RBM12B: variants seen among roughly 807,000 people sequenced by gnomAD.
RBM12B encodes RNA-binding protein 12B.
Under a neutral mutation model 34.3 loss-of-function variants are expected in RBM12B, and 10 were observed. That is an observed-to-expected ratio of 0.29 (90% confidence interval 0.18 to 0.49). The LOEUF (loss-of-function observed/expected upper bound fraction) is 0.49. Among genes scored for constraint, RBM12B ranks in the 20% least tolerant of loss-of-function variants. The pLI is 0.99. For synonymous variants in RBM12B, 477 were observed against 437.1 expected (o/e 1.09, Z -1.14); for missense variants, 1,139 against 1,262.7 (o/e 0.90, Z 1.48).
rs750983489 is a variant in RBM12B at position 93,734,526 on chromosome 8, G to GCCTCCAGTCCTCCTCAAGGGGCCT, written c.1861_1884dup (p.Trp627_Asp634dup). On this transcript the variant is annotated inframe_insertion, in exon 4 of 4. Transcript: ENST00000520560. ...CGCCTGAAATCCTCCTCCAGTGGCCGCCTCCAGTCCTCCTCAAGGGGCCTC... is the reference window on the plus strand; with the variant it reads ...CGCCTGAAATCCTCCTCCAGTGGCCGCCTCCAGTCCTCCTCAAGGGGCCTCCTCCAGTCCTCCTCAAGGGGCCTC... The GCCTCCAGTCCTCCTCAAGGGGCCT allele has an allele frequency of 1.2e-6, 2 of 1,613,374 alleles. No homozygotes were observed. Among genetic ancestry groups the GCCTCCAGTCCTCCTCAAGGGGCCT allele is most frequent in the South Asian group, 1.1e-5 (1 of 91,042 alleles).
intron 2 of RBM12B, chr8:93,740,241 A>G: frequency 2.2e-6 from 1 of 452,254 alleles, no homozygotes; most frequent in South Asian, 1.6e-5. Context: ...CTGTAAATGA[A>G]GACGAATCCA....
rs1586303257 is a variant in RBM12B, at chr8:93,728,431, T to G, written c.*4974A>C. The G allele has an allele frequency of 5.3e-6, 3 of 561,004 alleles. No individual in the cohort carries two copies. Among genetic ancestry groups the G allele is most frequent in the Non-Finnish European group, 9.2e-6 (3 of 326,570 alleles). 34.8% of individuals were successfully genotyped at this position (561,004 alleles called of 1,614,324 possible). Reference sequence around the variant, plus strand: ...AAACAGAAAAATAATTAAAGGAAACTTATGCTGACCAAAAATGAAGGCTTT... The same window carrying G: ...AAACAGAAAAATAATTAAAGGAAACGTATGCTGACCAAAAATGAAGGCTTT... On this transcript the variant is annotated 3_prime_UTR_variant, in exon 4 of 4. Coordinates refer to ENST00000520560, the MANE Select transcript of RBM12B (RefSeq NM_001377960.1).
intron 3 of RBM12B, 138 bp downstream of exon 3, chr8:93,737,169 T>A (rs1812046765): frequency 1.3e-5 from 2 of 152,190 alleles, no homozygotes; most frequent in Non-Finnish European, 2.9e-5. Flanking sequence ...ACTGTGCCAT[T>A]GCACTCCAGC....
At chr8:93,739,660 AG>A (rs2130480505) in intron 2 of RBM12B, among the ~76,000 whole-genome samples, 1 of 152,378 alleles carries the variant, frequency 6.6e-6, no homozygotes, top group South Asian at 2.1e-4. Flanking sequence ...ACCCTCAAGT[AG>A]TCTGCAATTA....
rs1812052386 is a variant in RBM12B at position 93,737,325 on chromosome 8, G to C, written c.-47C>G. 6.6e-6 allele frequency: 1 copy of C among 152,086 alleles called. No homozygotes were observed. The highest frequency in any genetic ancestry group is 1.5e-5 in the Non-Finnish European group (1 of 68,018). The allele number at this position is 152,086 out of a possible 1,614,324, so 9.4% of individuals were successfully genotyped here. A position where few individuals can be genotyped will look rare whatever the true frequency, so the allele number is the denominator to read the frequency against. ...ATCTTACCTTTTTTAAAATTTCTTG[G>C]AGACCTGTTAACTCTGTAAAAGCAA... is the stretch of plus-strand genomic sequence containing the variant. On this transcript the variant is annotated 5_prime_UTR_variant, in exon 3 of 4. Coordinates refer to ENST00000520560, the MANE Select transcript of RBM12B (RefSeq NM_001377960.1).
Position 93,729,520 on chromosome 8 carries a change from T to C in RBM12B, c.*3885A>G, listed in dbSNP as rs1356852595. 6.6e-6 allele frequency: 1 copy of C among 152,102 alleles called. No individual in the cohort carries two copies. Among genetic ancestry groups the C allele is most frequent in the Non-Finnish European group, 1.5e-5 (1 of 67,984 alleles). The allele number at this position is 152,102 out of a possible 1,614,324, so 9.4% of individuals were successfully genotyped here. ...TTCTCTTGAGCATTATTTGCCTTGT[T>C]TGTAAAGTTAAAACTGCGTAAAACA... is the stretch of plus-strand genomic sequence containing the variant. On this transcript the variant is annotated 3_prime_UTR_variant, in exon 4 of 4. Transcript: ENST00000520560.
In RBM12B at chr8:93,735,443, C is replaced by T; in HGVS notation, c.968G>A (p.Arg323Lys). ...QIRFLYKDEN[R>K]TRYAFVMFKT... is the part of the protein sequence containing the mutation. Reference sequence around the variant, plus strand: ...GAACATCACAAAGGCATATCTTGTTCTATTTTCATCTTTATATAAAAACCT... The same window carrying T: ...GAACATCACAAAGGCATATCTTGTTTTATTTTCATCTTTATATAAAAACCT... The change falls in exon 4 of 4, where the codon AGA becomes AAA. Residue 323 changes from arginine to lysine, a missense_variant. Physicochemically the swap from Arg to Lys is conservative, Grantham distance 26. This residue lies in a region of RBM12B where 863 missense variants were observed against 869.5 expected (regional missense o/e 0.99). Transcript: ENST00000520560. 6.2e-7 allele frequency: 1 copy of T among 1,613,314 alleles called. No homozygotes were observed. Among genetic ancestry groups the T allele is most frequent in the Non-Finnish European group, 8.5e-7 (1 of 1,179,710 alleles).
In RBM12B at chr8:93,735,330, T is replaced by C; in HGVS notation, c.1081A>G (p.Lys361Glu). ...CGTGCAATGAACTTCAGCATTTGTT[T>C]TCTAGAAATTGGATCAATATGAACT... is the stretch of plus-strand genomic sequence containing the variant. Reference protein sequence around the residue: ...RPVHIDPISRKQMLKFIARYE... With the variant: ...RPVHIDPISREQMLKFIARYE... Residue 361 changes from lysine (K) to glutamate (E), a missense_variant, in exon 4 of 4, where the codon AAA (lysine) becomes GAA (glutamate). Physicochemically the swap from Lys to Glu is moderately conservative, Grantham distance 56. Coordinates refer to ENST00000520560, the MANE Select transcript of RBM12B (RefSeq NM_001377960.1). 6.2e-7 allele frequency: 1 copy of C among 1,614,034 alleles called. No individual in the cohort carries two copies. Among genetic ancestry groups the C allele is most frequent in the Non-Finnish European group, 8.5e-7 (1 of 1,180,022 alleles).
rs1371586537 is a variant in RBM12B at position 93,728,493 on chromosome 8, C to T, written c.*4912G>A. The T allele has an allele frequency of 1.2e-5, 5 of 424,014 alleles. No individual in the cohort carries two copies. The highest frequency in any genetic ancestry group is 2.1e-5 in the African/African-American group (1 of 47,914). The allele number at this position is 424,014 out of a possible 1,614,324, so 26.3% of individuals were successfully genotyped here. ...CATACCAGTCATTTCAACATCCTAC[C>T]TAGTGTTACATGATTTTTGTGTAAG... On this transcript the variant is annotated 3_prime_UTR_variant, in exon 4 of 4. Coordinates refer to ENST00000520560, the MANE Select transcript of RBM12B (RefSeq NM_001377960.1).
At chr8:93,736,474 A>T in intron 3 of RBM12B, 36 bp from the exon 4 acceptor site, 2 of 1,468,844 alleles carry the variant, frequency 1.4e-6, no homozygotes, top group Non-Finnish European at 1.8e-6. Flanking sequence ...AGCAAGTCTT[A>T]TTTTTGAAGT....
rs1003346273 is a variant in RBM12B, at chr8:93,734,568, TAGGGTGCCTGAAGTCATCCTCCGG to T, written c.1819_1842del (p.Pro607_Pro614del). On this transcript the variant is annotated inframe_deletion, in exon 4 of 4. Transcript: ENST00000520560. ...AGGGGCCTCCTCCAGTCCTCCTCCC[TAGGGTGCCTGAAGTCATCCTCCGG>T]AGGGCGCCTGAAATCTTCCTCCCAA... The T allele has an allele frequency of 2.5e-6, 4 of 1,608,182 alleles. No individual in the cohort carries two copies. Among genetic ancestry groups the T allele is most frequent in the Non-Finnish European group, 3.4e-6 (4 of 1,178,082 alleles).
chr8:93,739,098 TTATCCA>T (rs1417406777), intron 2 of RBM12B: 1 of 152,194 alleles, frequency 6.6e-6, no homozygotes, highest in East Asian at 1.9e-4. Context: ...AATACTTACT[TTATCCA>T]TATTAAAGTC....
At position 93,734,268 on chromosome 8, in the gene RBM12B, A is replaced by G. The variant is rs1446042595; in HGVS notation, c.2143T>C (p.Phe715Leu). 3 of 1,613,556 alleles carry G rather than the reference A, an allele frequency of 1.9e-6. No individual in the cohort carries two copies. The highest frequency in any genetic ancestry group is 1.3e-5 in the African/African-American group (1 of 74,908). ...AAATGCTCCTGGGGTGACTGCCTGA[A>G]GTCCTCCTCAGGGGAATGCCTGAAA... ...EDFRHSPEED[F>L]RQSPQEHFRR... Residue 715 changes from phenylalanine (F) to leucine (L), a missense_variant, in exon 4 of 4, where the codon TTC becomes CTC. By Grantham distance (22) the Phe-to-Leu change is conservative (BLOSUM62 0). This residue lies in a region of RBM12B where 863 missense variants were observed against 869.5 expected (regional missense o/e 0.99). Coordinates refer to ENST00000520560, the MANE Select transcript of RBM12B (RefSeq NM_001377960.1).
chr8:93,730,369 T>G lies in RBM12B; in HGVS notation c.*3036A>C, dbSNP rs763958160. On this transcript the variant is annotated 3_prime_UTR_variant, in exon 4 of 4. Coordinates refer to ENST00000520560, the MANE Select transcript of RBM12B (RefSeq NM_001377960.1). ...TTTTACCTATCTCTTGGTTGTGGGA[T>G]TGACTTTCTAGACATGATCTACATT... 6.6e-6 allele frequency: 1 copy of G among 152,168 alleles called. No individual in the cohort carries two copies. 9.4% of individuals were successfully genotyped at this position (152,168 alleles called of 1,614,324 possible).
In RBM12B at chr8:93,736,337, C is replaced by T; in HGVS notation, c.74G>A (p.Gly25Glu). The change falls in exon 4 of 4, where the codon GGA becomes GAA. Residue 25 changes from glycine to glutamate, a missense_variant. This residue lies in a region of RBM12B where 216 missense variants were observed against 292.2 expected (regional missense o/e 0.74). Transcript: ENST00000520560. ...GPVDIRHFFTGLTIPDGGVHI... is the reference protein window; with the variant it reads ...GPVDIRHFFTELTIPDGGVHI... ...CACTCCTCCATCAGGAATAGTCAAT[C>T]CCGTGAAGAAGTGACGAATATCCAC... is the stretch of plus-strand genomic sequence containing the variant. The T allele has an allele frequency of 6.2e-7, 1 of 1,613,730 alleles. No homozygotes were observed. Among genetic ancestry groups the T allele is most frequent in the Non-Finnish European group, 8.5e-7 (1 of 1,179,988 alleles).
chr8:93,740,311 A>C (rs1221774248), intron 2 of RBM12B: 1 of 457,234 alleles, frequency 2.2e-6, no homozygotes, highest in Non-Finnish European at 4.4e-6. Flanking sequence ...CATCGATTCT[A>C]CAGCCCAAAG....
Position 93,728,292 on chromosome 8 carries a change from A to C in RBM12B, c.*5113T>G. On this transcript the variant is annotated 3_prime_UTR_variant, in exon 4 of 4. Coordinates refer to ENST00000520560, the MANE Select transcript of RBM12B (RefSeq NM_001377960.1). ...TGTTACAGAAGAAGAAAATTTTCTTAAGTAAACTACACATTTCCATTTTCA... is the reference window on the plus strand; with the variant it reads ...TGTTACAGAAGAAGAAAATTTTCTTCAGTAAACTACACATTTCCATTTTCA... 1 of 1,571,330 alleles carries C rather than the reference A, an allele frequency of 6.4e-7. No individual in the cohort carries two copies. Among genetic ancestry groups the C allele is most frequent in the Non-Finnish European group, 8.6e-7 (1 of 1,157,320 alleles).
At chr8:93,737,232 T>C (rs1157076067) in intron 3 of RBM12B, 75 bp downstream of exon 3, 1 of 152,212 alleles carries the variant, frequency 6.6e-6, no homozygotes, top group Non-Finnish European at 1.5e-5. Flanking sequence ...ACAGAAGCCA[T>C]GGATACCTAG....
rs773201912 is a variant in RBM12B, at chr8:93,734,363, AAGTCCTCCTCTGGGGGCCGTCTCC to A, written c.2024_2047del (p.Trp675_Asp682del). On this transcript the variant is annotated inframe_deletion, in exon 4 of 4. Transcript: ENST00000520560. Reference sequence around the variant, plus strand: ...CCATTCTCCCTGAAGAGGCCGCCTAAAGTCCTCCTCTGGGGGCCGTCTCCAGTCCTCCTCAGGTGGCCGCCTGAA... The same window carrying A: ...CCATTCTCCCTGAAGAGGCCGCCTAAAGTCCTCCTCAGGTGGCCGCCTGAA... The A allele has an allele frequency of 4.3e-6, 7 of 1,610,750 alleles. No homozygotes were observed. The highest frequency in any genetic ancestry group is 1.7e-4 in the Middle Eastern group (1 of 6,036).
Sources: allele counts gnomAD v4.1 joint callset (sites outside exome capture counted in the v4.1 genomes callset), GRCh38; gene constraint gnomAD v4.1.1; regional missense constraint gnomAD v4.1.1; transcripts MANE v1.5; gene names NCBI Gene and HGNC (gene_info 2026-07-23, HGNC 2026-07-21).